The following GPC5 variants were observed in gnomAD, a reference collection of about 807,000 sequenced individuals.
GPC5 encodes glypican 5, also known as glypican-5.
A neutral mutation model predicts 53.9 loss-of-function variants in GPC5; 47 were observed. That is an observed-to-expected ratio of 0.87 (90% CI 0.69 to 1.11). The LOEUF (loss-of-function observed/expected upper bound fraction) is 1.11. Ranked by LOEUF, GPC5 falls within the 50% of genes most tolerant of loss-of-function variation. The pLI is 0.00. For synonymous variants in GPC5, 286 were observed against 263.3 expected (o/e 1.09, Z -0.84); for missense variants, 748 against 713.1 (o/e 1.05, Z -0.56).
chr13:92,353,272 A>AG (rs2043495327), intron 7 of GPC5, among the ~76,000 whole-genome samples: 1 of 150,200 alleles, frequency 6.7e-6, no homozygotes, highest in Non-Finnish European at 1.5e-5. Flanking sequence ...GTCTCAAAAA[A>AG]AAAAAAAAAA....
At chr13:92,542,650 G>T (rs1366531426) in intron 7 of GPC5, among the ~76,000 whole-genome samples, 1 of 151,882 alleles carries the variant, frequency 6.6e-6, no homozygotes, top group African/African-American at 2.4e-5. Context: ...AGACTCACTT[G>T]CGCGTTTCTT....
intron 2 of GPC5, among the ~76,000 whole-genome samples, chr13:91,614,616 C>T (rs1241930241): frequency 1.3e-5 from 2 of 152,150 alleles, no homozygotes; most frequent in Admixed American, 1.3e-4. Flanking sequence ...CAGGCATGAG[C>T]TACTGTGCCT....
chr13:91,633,281 T>TAG (rs2139434642), intron 2 of GPC5, among the ~76,000 whole-genome samples: 1 of 152,268 alleles, frequency 6.6e-6, no homozygotes, highest in African/African-American at 2.4e-5. Flanking sequence ...ACATCTGACA[T>TAG]AGATGGATGT....
At chr13:92,642,871 C>T (rs1321805265) in intron 7 of GPC5, among the ~76,000 whole-genome samples, 3 of 152,168 alleles carry the variant, frequency 2.0e-5, no homozygotes, top group Non-Finnish European at 2.9e-5. Context: ...AGAATCCAGA[C>T]CAGGCCAAGG....
chr13:91,409,697 A>C (rs769268750), intron 1 of GPC5, among the ~76,000 whole-genome samples: 5 of 150,590 alleles, frequency 3.3e-5, no homozygotes, highest in Admixed American at 6.6e-5. Flanking sequence ...TGCCTGTGTT[A>C]TTTGTTTTTT....
chr13:92,357,233 G>C (rs2043529904), intron 7 of GPC5, among the ~76,000 whole-genome samples: 1 of 151,752 alleles, frequency 6.6e-6, no homozygotes, highest in Admixed American at 6.5e-5. Context: ...TATATACCCA[G>C]TAATGGGATT....
At chr13:91,622,881 A>T (rs990139075) in intron 2 of GPC5, among the ~76,000 whole-genome samples, 15 of 152,168 alleles carry the variant, frequency 9.9e-5, no homozygotes, top group African/African-American at 3.6e-4. Context: ...GAATAAAGGT[A>T]TTGCAGATAT....
chr13:92,465,799 T>A (rs1363840469), intron 7 of GPC5, among the ~76,000 whole-genome samples: 1 of 151,964 alleles, frequency 6.6e-6, no homozygotes, highest in African/African-American at 2.4e-5. Flanking sequence ...TCCAATGACG[T>A]TCATTAAAAA....
chr13:92,512,452 A>G lies in GPC5; in HGVS notation c.1562-353830A>G, dbSNP rs185770856. Among the ~76,000 whole-genome samples the G allele has an allele frequency of 1.3e-3, 197 of 152,314 alleles. 1 individual carries two copies. Among genetic ancestry groups the G allele is most frequent in the African/African-American group, 4.6e-3 (192 of 41,578 alleles). ...ATAGTATGTGTGAACATTTCAATACATAAAATATATCTTACAATTAAGACA... is the reference window on the plus strand; with the variant it reads ...ATAGTATGTGTGAACATTTCAATACGTAAAATATATCTTACAATTAAGACA... On this transcript the variant is annotated intron_variant, in intron 7 of 7. Transcript: ENST00000377067.
intron 5 of GPC5, among the ~76,000 whole-genome samples, chr13:91,861,075 G>C (rs547080348): frequency 1.3e-5 from 2 of 152,202 alleles, no homozygotes; most frequent in African/African-American, 2.4e-5. Flanking sequence ...TGTGATCAGA[G>C]GATATATTTT....
At chr13:91,773,706 T>C (rs1292726759) in intron 5 of GPC5, among the ~76,000 whole-genome samples, 1 of 152,182 alleles carries the variant, frequency 6.6e-6, no homozygotes, top group Non-Finnish European at 1.5e-5. Flanking sequence ...TCAAGCTATT[T>C]GTAGAACGTA....
intron 6 of GPC5, among the ~76,000 whole-genome samples, chr13:92,034,268 G>T (rs979044322): frequency 3.3e-5 from 5 of 152,144 alleles, no homozygotes; most frequent in Non-Finnish European, 7.4e-5. Flanking sequence ...GGCTGAGGCG[G>T]GTGGATCACT....
intron 5 of GPC5, among the ~76,000 whole-genome samples, chr13:91,899,753 A>G (rs563794421): frequency 1.1e-3 from 167 of 152,300 alleles, no homozygotes; most frequent in Non-Finnish European, 1.8e-3. Flanking sequence ...GGAGACAGAA[A>G]TTGGAGTTAT....
chr13:92,072,947 T>A (rs1412353296), intron 6 of GPC5, among the ~76,000 whole-genome samples: 1 of 152,084 alleles, frequency 6.6e-6, no homozygotes, highest in Non-Finnish European at 1.5e-5. Context: ...AAAACAGCAG[T>A]CTACTATTAA....
intron 7 of GPC5, among the ~76,000 whole-genome samples, chr13:92,628,038 T>G (rs1231722516): frequency 6.6e-6 from 1 of 152,068 alleles, no homozygotes; most frequent in African/African-American, 2.4e-5. Context: ...TTTTAAACCA[T>G]AAGCAGTATC....
At chr13:91,433,887 G>A (rs1304361500) in intron 1 of GPC5, among the ~76,000 whole-genome samples, 5 of 151,684 alleles carry the variant, frequency 3.3e-5, no homozygotes, top group East Asian at 1.9e-4. Context: ...TTTAAAGATC[G>A]CCAGTCTAAC....
rs114380592 is a variant in GPC5 at position 92,127,809 on chromosome 13, T to A, written c.1402-17021T>A. On this transcript the variant is annotated intron_variant, in intron 6 of 7. Transcript: ENST00000377067. ...AAGATTTTATAATGATAATGAATTA[T>A]TCATGTGAAAATTAACTTTTTTTTG... 5.9e-3 allele frequency among the ~76,000 whole-genome samples: 904 copies of A among 152,344 alleles called. 11 individuals are homozygous for A. The highest frequency in any genetic ancestry group is 0.031 in the Middle Eastern group (9 of 294).
intron 6 of GPC5, among the ~76,000 whole-genome samples, chr13:92,142,546 AT>A (rs1315705983): frequency 6.6e-6 from 1 of 152,256 alleles, no homozygotes; most frequent in Non-Finnish European, 1.5e-5. Context: ...TAAGTCCTCC[AT>A]TATATTTAAC....
chr13:91,595,032 T>G (rs56385208), intron 2 of GPC5, among the ~76,000 whole-genome samples: 1,141 of 98,638 alleles, frequency 0.012, 13 homozygotes, highest in African/African-American at 0.034. Flanking sequence ...ATTTATTTAT[T>G]TATTTATTTC....
Sources: allele counts gnomAD v4.1 joint callset (sites outside exome capture counted in the v4.1 genomes callset), GRCh38; gene constraint gnomAD v4.1.1; transcripts MANE v1.5; gene names NCBI Gene and HGNC (gene_info 2026-07-23, HGNC 2026-07-21).